Variants in FMN2 observed in about 807,000 individuals in gnomAD.
The protein encoded by FMN2 is formin 2.
A neutral mutation model predicts 142.3 loss-of-function variants in FMN2; 51 were observed. The ratio of observed to expected loss-of-function variants is 0.36; its 90% CI spans 0.29 to 0.45. The LOEUF is 0.45. Among genes scored for constraint, FMN2 ranks in the 20% least tolerant of loss-of-function variants. FMN2 has a pLI of 1.00. For missense variants in FMN2, 1,936 were observed against 2,122.8 expected (o/e 0.91, Z 1.73); for synonymous variants, 882 against 869.8 (o/e 1.01, Z -0.25).
At chr1:240,135,183 T>TC (rs1339476163) in intron 2 of FMN2, among the ~76,000 whole-genome samples, 1 of 152,188 alleles carries the variant, frequency 6.6e-6, no homozygotes, top group African/African-American at 2.4e-5. Context: ...CATCTAGAAT[T>TC]CCTAAGACAG....
chr1:240,317,482 TGGAATCATAC>T (rs1348404817), intron 8 of FMN2, among the ~76,000 whole-genome samples: 1 of 152,162 alleles, frequency 6.6e-6, no homozygotes, highest in Non-Finnish European at 1.5e-5. Context: ...GTGACATAAA[TGGAATCATAC>T]GGTATATAAC....
intron 6 of FMN2, among the ~76,000 whole-genome samples, chr1:240,247,510 A>G (rs1022179603): frequency 1.3e-5 from 2 of 152,160 alleles, no homozygotes; most frequent in African/African-American, 4.8e-5. Context: ...TTCAAAAAAA[A>G]AAAAAAAGCA....
intron 16 of FMN2, among the ~76,000 whole-genome samples, chr1:240,446,868 T>C (rs983174582): frequency 3.9e-5 from 6 of 152,126 alleles, no homozygotes; most frequent in Admixed American, 2.6e-4. Context: ...ATTTCCACAT[T>C]CACACACTCC....
chr1:240,133,655 G>A (rs1481236734), intron 2 of FMN2, among the ~76,000 whole-genome samples: 1 of 152,004 alleles, frequency 6.6e-6, no homozygotes, highest in Non-Finnish European at 1.5e-5. Context: ...TCACTTGTGG[G>A]GCTCTGTGGG....
At chr1:240,307,647 A>C (rs1268431006) in intron 8 of FMN2, among the ~76,000 whole-genome samples, 1 of 152,090 alleles carries the variant, frequency 6.6e-6, no homozygotes, top group South Asian at 2.1e-4. Flanking sequence ...TGTAGCCTTG[A>C]AGTATAGTTA....
rs180913863 is a variant in FMN2 at position 240,298,055 on chromosome 1, G to A, written c.4215+3172G>A. ...CTTGATACCATCATCCTGGGGATAA[G>A]GTTTCAACCTATGGAACTGAGGGTG... On this transcript the variant is annotated intron_variant, in intron 8 of 17. Transcript: ENST00000319653. 5.9e-5 allele frequency among the ~76,000 whole-genome samples: 9 copies of A among 152,250 alleles called. No individual in the cohort carries two copies. The East Asian group carries it at 1.2e-3, about 20-fold the overall frequency.
At chr1:240,199,658 T>C (rs1314330671) in intron 4 of FMN2, among the ~76,000 whole-genome samples, 1 of 152,190 alleles carries the variant, frequency 6.6e-6, no homozygotes, top group East Asian at 1.9e-4. Flanking sequence ...TTGGCTGACT[T>C]ACTGTATATA....
At chr1:240,356,620 A>G (rs1414308367) in intron 14 of FMN2, among the ~76,000 whole-genome samples, 2 of 152,190 alleles carry the variant, frequency 1.3e-5, no homozygotes, top group Non-Finnish European at 2.9e-5. Flanking sequence ...AAATATTTCA[A>G]CTTTGGAATG....
At chr1:240,186,755 A>T (rs1400755118) in intron 3 of FMN2, among the ~76,000 whole-genome samples, 2 of 152,158 alleles carry the variant, frequency 1.3e-5, no homozygotes, top group Admixed American at 1.3e-4. Flanking sequence ...GTTGGGACAG[A>T]TGGAGGTGGG....
At chr1:240,455,333 C>CT (rs1343547033) in intron 16 of FMN2, among the ~76,000 whole-genome samples, 1 of 152,044 alleles carries the variant, frequency 6.6e-6, no homozygotes, top group African/African-American at 2.4e-5. Context: ...GAAAACATCG[C>CT]AAGATCCCCA....
At chr1:240,328,147 C>CAAAAAAAAAAAAAAAAAAAAAAAAAAA (rs780595882) in intron 8 of FMN2, among the ~76,000 whole-genome samples, 23 of 51,422 alleles carry the variant, frequency 4.5e-4, no homozygotes, top group East Asian at 1.3e-3. Context: ...GACCCCATCT[C>CAAAAAAAAAAAAAAAAAAAAAAAAAAA]AAAAAAAAAA....
intron 15 of FMN2, among the ~76,000 whole-genome samples, chr1:240,406,408 A>G (rs1045047180): frequency 6.6e-6 from 1 of 151,870 alleles, no homozygotes; most frequent in African/African-American, 2.4e-5. Context: ...AGATGCAAGC[A>G]CAGAATCTCC....
Position 240,093,209 on chromosome 1 carries a change from C to A in FMN2, c.1100C>A (p.Ala367Asp). ...APRGSPGEEW[A>D]PEVGEDAPQR... ...CGGGGCTCTCCGGGGGAGGAGTGGGCCCCGGAGGTGGGAGAGGACGCCCCG... is the reference window on the plus strand; with the variant it reads ...CGGGGCTCTCCGGGGGAGGAGTGGGACCCGGAGGTGGGAGAGGACGCCCCG... The change falls in exon 1 of 18, where the codon GCC (alanine) becomes GAC (aspartate). Residue 367 changes from alanine to aspartate, a missense_variant. Around this residue, in one of 8 missense-constraint regions of FMN2, gnomAD observed 751 missense variants for 791.8 expected, o/e 0.95. Transcript: ENST00000319653. 6.7e-7 allele frequency: 1 copy of A among 1,502,582 alleles called. No homozygotes were observed. Among genetic ancestry groups the A allele is most frequent in the South Asian group, 1.3e-5 (1 of 76,306 alleles). The allele number at this position is 1,502,582 out of a possible 1,614,324, so 93.1% of individuals were successfully genotyped here. A position where few individuals can be genotyped will look rare whatever the true frequency, so the allele number is the denominator to read the frequency against.
chr1:240,268,324 C>A (rs780645594), intron 7 of FMN2, among the ~76,000 whole-genome samples: 1 of 152,008 alleles, frequency 6.6e-6, no homozygotes, highest in Non-Finnish European at 1.5e-5. Context: ...GTACCCATTT[C>A]TGATTTTTGA....
At chr1:240,434,726 T>TA (rs1382158184) in intron 15 of FMN2, among the ~76,000 whole-genome samples, 2 of 73,660 alleles carry the variant, frequency 2.7e-5, no homozygotes, top group African/African-American at 9.0e-5. Context: ...CACACCCTGC[T>TA]AATTTTTTTT....
At position 240,166,887 on chromosome 1, in the gene FMN2, C is replaced by T. The variant is rs554215299; in HGVS notation, c.1783-11034C>T. Among the ~76,000 whole-genome samples the T allele has an allele frequency of 5.3e-5, 8 of 152,174 alleles. No individual in the cohort carries two copies. In the East Asian group the frequency reaches 5.8e-4, roughly 11 times the overall value. Reference sequence around the variant, plus strand: ...CTGTAATCCCAGAACTTTGGGAGGCCGAGGCAGGCGGATAACCTGAGGTCA... The same window carrying T: ...CTGTAATCCCAGAACTTTGGGAGGCTGAGGCAGGCGGATAACCTGAGGTCA... On this transcript the variant is annotated intron_variant, in intron 2 of 17. Transcript: ENST00000319653.
intron 4 of FMN2, among the ~76,000 whole-genome samples, chr1:240,189,231 A>G (rs1014844962): frequency 8.5e-5 from 13 of 152,080 alleles, no homozygotes; most frequent in African/African-American, 2.4e-4. Flanking sequence ...GTGGATAGCA[A>G]TTGCTCTTTT....
intron 14 of FMN2, among the ~76,000 whole-genome samples, chr1:240,369,899 A>G (rs1007357710): frequency 6.6e-6 from 1 of 152,180 alleles, no homozygotes; most frequent in African/African-American, 2.4e-5. Context: ...GGCCTAATGC[A>G]GTGTGGTTGC....
At chr1:240,138,846 A>G (rs1288260993) in intron 2 of FMN2, among the ~76,000 whole-genome samples, 1 of 152,248 alleles carries the variant, frequency 6.6e-6, no homozygotes, top group Non-Finnish European at 1.5e-5. Context: ...TTTTCTTCTC[A>G]TAATACCACA....
Sources: gnomAD v4.1 joint callset for allele counts (sites outside exome capture counted in the v4.1 genomes callset) on GRCh38, gnomAD v4.1.1 for gene constraint, gnomAD v4.1.1 regional missense constraint, MANE v1.5 for transcripts, NCBI Gene and HGNC (gene_info 2026-07-23, HGNC 2026-07-21) for gene names.